KCNN2: variants seen among roughly 807,000 people sequenced by gnomAD.
KCNN2 encodes the protein potassium calcium-activated channel subfamily N member 2.
A neutral mutation model predicts 55.5 loss-of-function variants in KCNN2; 24 were observed. The ratio of observed to expected loss-of-function variants is 0.43; its 90% confidence interval spans 0.31 to 0.61. KCNN2 has a LOEUF of 0.61. Ranked by LOEUF, KCNN2 falls within the 20% of genes least tolerant of loss-of-function variation. The pLI is 0.08. For synonymous variants in KCNN2, 431 were observed against 336.1 expected (o/e 1.28, Z -3.09); for missense variants, 754 against 853.6 (o/e 0.88, Z 1.45).
chr5:114,442,369 G>T (rs1760250629), intron 3 of KCNN2, among the ~76,000 whole-genome samples: 1 of 139,524 alleles, frequency 7.2e-6, no homozygotes, highest in African/African-American at 3.4e-5. Flanking sequence ...CATTTATGTA[G>T]TGATTTTAAG....
intron 1 of KCNN2, among the ~76,000 whole-genome samples, chr5:114,204,979 A>C (rs1753740663): frequency 6.6e-6 from 1 of 152,250 alleles, no homozygotes; most frequent in South Asian, 2.1e-4. Flanking sequence ...TAATGAGGAG[A>C]GCTAAGAGAA....
intron 3 of KCNN2, chr5:114,433,419 C>G (rs1759872607): frequency 6.6e-6 from 1 of 152,202 alleles, no homozygotes; most frequent in South Asian, 2.1e-4. Context: ...CCAATCAGTG[C>G]CCTGTCAAAA....
At chr5:114,087,451 G>A (rs1452608537) in intron 1 of KCNN2, among the ~76,000 whole-genome samples, 1 of 152,048 alleles carries the variant, frequency 6.6e-6, no homozygotes. Flanking sequence ...GTTAATTTTT[G>A]TATATGGTAA....
At chr5:114,424,624 G>A (rs1229195200) in intron 3 of KCNN2, among the ~76,000 whole-genome samples, 1 of 152,166 alleles carries the variant, frequency 6.6e-6, no homozygotes, top group East Asian at 1.9e-4. Context: ...AGTTCGGAGA[G>A]GCCAGGCACT....
chr5:114,437,850 C>T (rs1299169567), intron 3 of KCNN2, among the ~76,000 whole-genome samples: 2 of 152,032 alleles, frequency 1.3e-5, no homozygotes, highest in South Asian at 2.1e-4. Context: ...TTTTCTGGAT[C>T]GTCAGTAAAT....
At chr5:114,164,761 G>C (rs1308660050) in intron 1 of KCNN2, among the ~76,000 whole-genome samples, 1 of 152,086 alleles carries the variant, frequency 6.6e-6, no homozygotes, top group Non-Finnish European at 1.5e-5. Flanking sequence ...GAACAACTTA[G>C]CTCCCTTTTT....
intron 2 of KCNN2, among the ~76,000 whole-genome samples, chr5:114,399,985 T>C (rs1161336760): frequency 6.6e-6 from 1 of 151,406 alleles, no homozygotes; most frequent in Non-Finnish European, 1.5e-5. Context: ...TTGTCATTTC[T>C]GATTGTGATT....
chr5:114,159,897 C>T (rs1333790398), intron 1 of KCNN2, among the ~76,000 whole-genome samples: 1 of 151,894 alleles, frequency 6.6e-6, no homozygotes, highest in Non-Finnish European at 1.5e-5. Context: ...TCTCTCTTTT[C>T]TTCTTTATTA....
intron 4 of KCNN2, among the ~76,000 whole-genome samples, chr5:114,466,598 T>G (rs190463484): frequency 4.8e-4 from 73 of 152,216 alleles, no homozygotes; most frequent in African/African-American, 1.6e-3. Context: ...CATCTTATAC[T>G]GGAATTAAGG....
chr5:114,440,314 C>CCA (rs1409092864), intron 3 of KCNN2, among the ~76,000 whole-genome samples: 2 of 152,166 alleles, frequency 1.3e-5, no homozygotes, highest in Non-Finnish European at 2.9e-5. Context: ...ACCTAGACTT[C>CCA]TATGCCTTCC....
At chr5:114,473,259 T>G in intron 5 of KCNN2, 95 bp downstream of exon 5, 1 of 805,200 alleles carries the variant, frequency 1.2e-6, no homozygotes, top group Non-Finnish European at 2.1e-6. Context: ...GAAGCTGAAA[T>G]GACATGGTTT....
intron 2 of KCNN2, among the ~76,000 whole-genome samples, chr5:114,304,595 G>A (rs985899706): frequency 6.6e-6 from 1 of 152,168 alleles, no homozygotes; most frequent in Non-Finnish European, 1.5e-5. Context: ...GCCTCAAAAG[G>A]TGTGGCCTTA....
At chr5:114,153,996 G>C (rs962246621) in intron 1 of KCNN2, among the ~76,000 whole-genome samples, 1 of 152,180 alleles carries the variant, frequency 6.6e-6, no homozygotes, top group African/African-American at 2.4e-5. Context: ...AGTGGGTCTA[G>C]AGATGGTGAC....
intron 3 of KCNN2, among the ~76,000 whole-genome samples, chr5:114,421,366 C>T (rs1020869891): frequency 6.6e-6 from 1 of 152,176 alleles, no homozygotes; most frequent in South Asian, 2.1e-4. Context: ...TCCCAGCTCA[C>T]TGCAACCACC....
intron 1 of KCNN2, among the ~76,000 whole-genome samples, chr5:114,182,768 TATTCTATAG>T (rs1393104235): frequency 6.6e-6 from 1 of 152,154 alleles, no homozygotes; most frequent in East Asian, 1.9e-4. Context: ...CTAGTTTTTA[TATTCTATAG>T]ATTTTTCTAT....
At chr5:114,094,820 G>C (rs1751223596) in intron 1 of KCNN2, among the ~76,000 whole-genome samples, 3 of 151,984 alleles carry the variant, frequency 2.0e-5, no homozygotes, top group Admixed American at 2.0e-4. Flanking sequence ...CTATTTGCTT[G>C]GAAACTTAGG....
intron 2 of KCNN2, among the ~76,000 whole-genome samples, chr5:114,276,976 G>C (rs115229822): frequency 3.3e-5 from 5 of 151,978 alleles, no homozygotes; most frequent in African/African-American, 9.7e-5. Context: ...AGTGGCTACC[G>C]GTTGTTCCTT....
intron 2 of KCNN2, among the ~76,000 whole-genome samples, chr5:114,228,420 T>C (rs1188655505): frequency 6.6e-6 from 1 of 152,038 alleles, no homozygotes; most frequent in Non-Finnish European, 1.5e-5. Flanking sequence ...AAAAATATTG[T>C]CAACCAAACA....
chr5:114,358,819 GA>G (rs1023239699), upstream of KCNN2, among the ~76,000 whole-genome samples: 3 of 151,586 alleles, frequency 2.0e-5, no homozygotes, highest in African/African-American at 7.3e-5. Context: ...GTCCTGTGTA[GA>G]AAAAAAAGAA....
Sources: allele counts gnomAD v4.1 joint callset (sites outside exome capture counted in the v4.1 genomes callset), GRCh38; gene constraint gnomAD v4.1.1; transcripts MANE v1.5; gene names NCBI Gene and HGNC (gene_info 2026-07-23, HGNC 2026-07-21).